Variants in MED15 observed in about 807,000 individuals in gnomAD.
MED15 encodes the protein mediator complex subunit 15.
MED15 carries 41 observed loss-of-function variants against 118.7 expected under a neutral mutation model. The observed-to-expected ratio is 0.35, with a 90% CI of 0.27 to 0.45. MED15 has a LOEUF of 0.45. MED15 is among the 20% of genes least tolerant of loss of function. The pLI is 1.00. For missense variants in MED15, 740 were observed against 1,025.5 expected (o/e 0.72, Z 3.80); for synonymous variants, 436 against 413.9 (o/e 1.05, Z -0.65).
At chr22:20,586,422 C>T (rs928704502) in intron 17 of MED15, 146 bp from the exon 18 acceptor site, 1 of 1,220,514 alleles carries the variant, frequency 8.2e-7, no homozygotes, top group Non-Finnish European at 1.1e-6. Flanking sequence ...GGAGGAGAGC[C>T]CAAAGGCCGG....
chr22:20,577,624 T>C (rs562315314), intron 9 of MED15, among the ~76,000 whole-genome samples: 9 of 152,066 alleles, frequency 5.9e-5, no homozygotes, highest in Middle Eastern at 3.4e-3. Flanking sequence ...TTGGAATAAA[T>C]GCCATGGAGA....
rs372021043 is a variant in MED15, at chr22:20,555,028, G to C, written c.331G>C (p.Gly111Arg). 15 of 1,612,568 alleles carry C rather than the reference G, an allele frequency of 9.3e-6. No individual in the cohort carries two copies. The highest frequency in any genetic ancestry group is 1.3e-5 in the Non-Finnish European group (15 of 1,180,018). The change falls in exon 5 of 18, where the codon GGC (glycine) becomes CGC (arginine). Residue 111 changes from glycine to arginine, a missense_variant. Coordinates refer to ENST00000263205, the MANE Select transcript of MED15 (RefSeq NM_001003891.3). ...TCCTCGGGGCCCGGGACAGTCTCTG[G>C]GCGGGATGGGTAGCCTTGGTGCCAT... ...MPPRGPGQSL[G>R]GMGSLGAMGQ...
At chr22:20,572,126 T>C (rs2056682296) in intron 8 of MED15, among the ~76,000 whole-genome samples, 1 of 152,246 alleles carries the variant, frequency 6.6e-6, no homozygotes, top group South Asian at 2.1e-4. Flanking sequence ...CATATCTTGA[T>C]GTCTTAGATT....
At chr22:20,556,469 T>G (rs2056011746) in intron 5 of MED15, among the ~76,000 whole-genome samples, 1 of 151,966 alleles carries the variant, frequency 6.6e-6, no homozygotes, top group Non-Finnish European at 1.5e-5. Flanking sequence ...CCCAGCTAAT[T>G]TTATATTTTT....
intron 1 of MED15, chr22:20,522,084 T>TGG (rs1372201324): frequency 6.6e-6 from 1 of 152,196 alleles, no homozygotes; most frequent in Non-Finnish European, 1.5e-5. Flanking sequence ...AGATAACTCT[T>TGG]TTATTTTGTG....
At position 20,565,951 on chromosome 22, in the gene MED15, C is replaced by T. The variant is rs557826572; in HGVS notation, c.691-516C>T. 2.3e-4 allele frequency among the ~76,000 whole-genome samples: 35 copies of T among 150,570 alleles called. 1 individual carries two copies. Among genetic ancestry groups the T allele is most frequent in the African/African-American group, 7.8e-4 (32 of 40,998 alleles). On this transcript the variant is annotated intron_variant, in intron 6 of 17. Coordinates refer to ENST00000263205, the MANE Select transcript of MED15 (RefSeq NM_001003891.3). Reference sequence around the variant, plus strand: ...TCAGGAAGGCAGCTGGTGTTGGCCTCGGGGGGCCCAGAGCCTTTCTGTGGG... The same window carrying T: ...TCAGGAAGGCAGCTGGTGTTGGCCTTGGGGGGCCCAGAGCCTTTCTGTGGG...
intron 13 of MED15, chr22:20,583,750 C>A: frequency 3.4e-6 from 1 of 293,444 alleles, no homozygotes; most frequent in Non-Finnish European, 6.6e-6. Flanking sequence ...TGCTGGTGAC[C>A]ATGGGCAGGC....
chr22:20,551,520 G>C lies in MED15; in HGVS notation c.208+33G>C, dbSNP rs968370490. 10 of 1,603,960 alleles carry C rather than the reference G, an allele frequency of 6.2e-6. No homozygotes were observed. In the African/African-American group the frequency reaches 1.3e-4, roughly 21 times the overall value. On this transcript the variant is annotated intron_variant, in intron 3 of 17. Transcript: ENST00000263205. ...AGATTTTGCATTTCTGGGTTGTTGA[G>C]ATCTCTGTGAGAGGCCAGCCCTGAC...
intron 8 of MED15, 129 bp downstream of exon 8, chr22:20,568,760 C>T: frequency 1.4e-6 from 2 of 1,440,432 alleles, no homozygotes; most frequent in Non-Finnish European, 1.9e-6. Context: ...AGGGGCTTCT[C>T]TCCCCCTTGC....
At chr22:20,584,724 C>T (rs2057083435) in intron 14 of MED15, 131 bp from the exon 15 acceptor site, 1 of 1,170,668 alleles carries the variant, frequency 8.5e-7, no homozygotes, top group East Asian at 2.5e-5. Context: ...ACATTGTCTG[C>T]ACAAGGGTGG....
intron 14 of MED15, 102 bp downstream of exon 14, chr22:20,584,527 G>T: frequency 7.3e-7 from 1 of 1,377,454 alleles, no homozygotes. Flanking sequence ...CTGGGCGGGG[G>T]CCGGGCCTGA....
At chr22:20,558,557 T>C (rs2146548919) in intron 5 of MED15, among the ~76,000 whole-genome samples, 1 of 152,346 alleles carries the variant, frequency 6.6e-6, no homozygotes, top group East Asian at 1.9e-4. Flanking sequence ...TAATTTCTAC[T>C]GCCAGTTGTG....
intron 2 of MED15, among the ~76,000 whole-genome samples, chr22:20,547,930 G>T (rs2055616532): frequency 6.6e-6 from 1 of 152,188 alleles, no homozygotes; most frequent in Admixed American, 6.5e-5. Flanking sequence ...AGCCCAGGAA[G>T]TTGAAACTGC....
intron 3 of MED15, 31 bp downstream of exon 3, chr22:20,551,518 G>A (rs2055775068): frequency 6.2e-7 from 1 of 1,606,390 alleles, no homozygotes; most frequent in African/African-American, 1.3e-5. Flanking sequence ...CTGGGTTGTT[G>A]AGATCTCTGT....
At chr22:20,548,984 A>G (rs2055665849) in intron 2 of MED15, among the ~76,000 whole-genome samples, 1 of 152,040 alleles carries the variant, frequency 6.6e-6, no homozygotes, top group African/African-American at 2.4e-5. Flanking sequence ...TTTGTTTTGT[A>G]GAGATGGTGT....
chr22:20,528,166 C>G (rs2054725276), intron 1 of MED15, among the ~76,000 whole-genome samples: 1 of 152,096 alleles, frequency 6.6e-6, no homozygotes, highest in African/African-American at 2.4e-5. Flanking sequence ...CTGCCCTTGG[C>G]TGGTTGCTCA....
intron 3 of MED15, chr22:20,552,508 C>T (rs1362374619): frequency 1.8e-5 from 8 of 435,598 alleles, no homozygotes; most frequent in East Asian, 7.8e-5. Context: ...GGCCCAGATG[C>T]GCTGGCAGAC....
chr22:20,535,203 C>G (rs1010584424), intron 1 of MED15, among the ~76,000 whole-genome samples: 2 of 152,206 alleles, frequency 1.3e-5, no homozygotes, highest in African/African-American at 4.8e-5. Context: ...GGTGATCCAC[C>G]TGCCTCGGCC....
intron 2 of MED15, among the ~76,000 whole-genome samples, chr22:20,547,822 A>G (rs2055610184): frequency 6.6e-6 from 1 of 151,742 alleles, no homozygotes; most frequent in South Asian, 2.1e-4. Context: ...GACTCCATCT[A>G]AAAAATAAAA....
Sources: gnomAD v4.1 joint callset for allele counts (sites outside exome capture counted in the v4.1 genomes callset) on GRCh38, gnomAD v4.1.1 for gene constraint, MANE v1.5 for transcripts, NCBI Gene and HGNC (gene_info 2026-07-23, HGNC 2026-07-21) for gene names.